Variants in IQSEC1 observed in about 807,000 individuals in gnomAD.
IQSEC1 encodes IQ motif and SEC7 domain-containing protein 1.
Under a neutral mutation model 91.0 loss-of-function variants are expected in IQSEC1, and 31 were observed. The ratio of observed to expected loss-of-function variants is 0.34; its 90% CI spans 0.26 to 0.46. IQSEC1 has a LOEUF of 0.46. Ranked by LOEUF, IQSEC1 falls within the 20% of genes least tolerant of loss-of-function variation. The probability of loss-of-function intolerance (pLI) is 1.00; values close to 1 mark genes in which losing one functional copy is unlikely to be tolerated. For synonymous variants in IQSEC1, 699 were observed against 662.6 expected (o/e 1.05, Z -0.84); for missense variants, 1,388 against 1,575.6 (o/e 0.88, Z 2.02).
chr3:13,176,020 C>T (rs966838596), intron 1 of IQSEC1, among the ~76,000 whole-genome samples: 7 of 152,192 alleles, frequency 4.6e-5, no homozygotes, highest in Non-Finnish European at 7.3e-5. Flanking sequence ...TGACAATGGG[C>T]GATTTCTGTG....
intron 1 of IQSEC1, among the ~76,000 whole-genome samples, chr3:13,026,166 C>T (rs766910813): frequency 2.0e-5 from 3 of 152,202 alleles, no homozygotes; most frequent in Non-Finnish European, 4.4e-5. Context: ...GCTTCCTGTG[C>T]CCCTCGGCAG....
At chr3:13,101,159 A>G (rs979738053) in intron 2 of IQSEC1, among the ~76,000 whole-genome samples, 9 of 152,202 alleles carry the variant, frequency 5.9e-5, no homozygotes, top group African/African-American at 1.4e-4. Context: ...CAAGCCTGAC[A>G]GTGACACGAT....
chr3:13,162,816 G>A (rs1707202284), intron 2 of IQSEC1, among the ~76,000 whole-genome samples: 1 of 152,110 alleles, frequency 6.6e-6, no homozygotes. Flanking sequence ...ATGTGGCGGT[G>A]CACACCTCAG....
In IQSEC1 at chr3:13,165,537, CGTGT is replaced by C. The variant is rs57239903; in HGVS notation, c.273-1408_273-1405del. ...GGGGGGGTGGGGGGTGGGGGGGTGGCGTGTGTGTGTGTGTGTGTGTGTGTGTGTG... is the reference window on the plus strand; with the variant it reads ...GGGGGGGTGGGGGGTGGGGGGGTGGCGTGTGTGTGTGTGTGTGTGTGTGTG... On this transcript the variant is annotated intron_variant, in intron 1 of 15. Coordinates refer to the IQSEC1 transcript ENST00000648114. Among the ~76,000 whole-genome samples, 111 of 66,682 alleles carry C rather than the reference CGTGT, an allele frequency of 1.7e-3. 1 individual carries two copies. The highest frequency in any genetic ancestry group is 1.8e-3 in the Non-Finnish European group (61 of 34,580). 43.7% of individuals were successfully genotyped at this position (66,682 alleles called of 152,430 possible).
chr3:13,180,107 T>C (rs934559325), intron 1 of IQSEC1, among the ~76,000 whole-genome samples: 8 of 31,470 alleles, frequency 2.5e-4, no homozygotes, highest in African/African-American at 7.5e-4. Flanking sequence ...TGCAGGTGCA[T>C]GGTGCGGGAC....
At chr3:13,037,664 T>G (rs939545810) in intron 1 of IQSEC1, among the ~76,000 whole-genome samples, 3 of 152,202 alleles carry the variant, frequency 2.0e-5, no homozygotes, top group Non-Finnish European at 4.4e-5. Context: ...ATACTTATAG[T>G]GGAGTATGAT....
At chr3:13,189,577 C>G (rs1693986421) in intron 1 of IQSEC1, among the ~76,000 whole-genome samples, 1 of 152,234 alleles carries the variant, frequency 6.6e-6, no homozygotes, top group South Asian at 2.1e-4. Flanking sequence ...CCCCTGCACC[C>G]ACTACAAGTG....
At chr3:13,261,814 G>C (rs1695394039) in intron 1 of IQSEC1, among the ~76,000 whole-genome samples, 2 of 152,168 alleles carry the variant, frequency 1.3e-5, no homozygotes, top group African/African-American at 4.8e-5. Context: ...GGCACTCAAT[G>C]CTACAAGCCT....
At chr3:12,952,716 C>T (rs926201499) in intron 1 of IQSEC1, among the ~76,000 whole-genome samples, 1 of 152,226 alleles carries the variant, frequency 6.6e-6, no homozygotes, top group Non-Finnish European at 1.5e-5. Flanking sequence ...CACGCTCTCA[C>T]CCCAAGACCT....
chr3:13,190,051 A>G (rs2349557), intron 1 of IQSEC1, among the ~76,000 whole-genome samples: 48,677 of 152,136 alleles, frequency 0.32, 8,497 homozygotes, highest in African/African-American at 0.47. Context: ...TACCTGCCAC[A>G]GCTGCCTAAA....
chr3:13,066,785 C>T (rs766172410), intron 1 of IQSEC1, among the ~76,000 whole-genome samples: 1 of 152,188 alleles, frequency 6.6e-6, no homozygotes, highest in Non-Finnish European at 1.5e-5. Flanking sequence ...CTTCTCTGGG[C>T]GGTAGCTCCA....
intron 1 of IQSEC1, among the ~76,000 whole-genome samples, chr3:13,057,676 A>C (rs1704925482): frequency 6.6e-6 from 1 of 152,178 alleles, no homozygotes; most frequent in Non-Finnish European, 1.5e-5. Flanking sequence ...GGGGCCCCAG[A>C]CATCCCGCCT....
intron 1 of IQSEC1, among the ~76,000 whole-genome samples, chr3:13,053,894 C>G (rs1251776714): frequency 6.6e-6 from 1 of 152,258 alleles, no homozygotes; most frequent in Non-Finnish European, 1.5e-5. Context: ...AAATTATCCA[C>G]CATTCCAACT....
intron 2 of IQSEC1, among the ~76,000 whole-genome samples, chr3:13,133,030 C>T (rs1401172624): frequency 3.3e-5 from 5 of 152,220 alleles, no homozygotes; most frequent in Non-Finnish European, 2.9e-5. Flanking sequence ...ACATCAACAT[C>T]GACATGGCCT....
chr3:12,905,866 G>T (rs1694919583), intron 12 of IQSEC1, among the ~76,000 whole-genome samples: 1 of 152,196 alleles, frequency 6.6e-6, no homozygotes, highest in African/African-American at 2.4e-5. Context: ...TCACCACTTG[G>T]CTGAACCCTG....
intron 1 of IQSEC1, among the ~76,000 whole-genome samples, chr3:13,219,466 C>T (rs73134150): frequency 0.024 from 3,654 of 152,332 alleles, 86 homozygotes; most frequent in African/African-American, 0.066. Context: ...TTGGGATGGC[C>T]ACCATCAAGG....
rs776758983 is a variant in IQSEC1 at position 12,913,616 on chromosome 3, G to A, written c.2191-63C>T. On this transcript the variant is annotated intron_variant, in intron 8 of 13. Coordinates refer to ENST00000613206, the MANE Select transcript of IQSEC1 (RefSeq NM_001134382.3). ...CTCTCCTCTAGGAGCCCTGGGGGCC[G>A]CAGTGGAGAAGTCTAGCCCTTCAAG... is the stretch of plus-strand genomic sequence containing the variant. The A allele has an allele frequency of 3.9e-4, 598 of 1,536,866 alleles. 3 individuals carry two copies. The highest frequency in any genetic ancestry group is 9.1e-5 in the Admixed American group (5 of 54,774).
intron 2 of IQSEC1, among the ~76,000 whole-genome samples, chr3:13,157,677 G>A (rs1160460932): frequency 6.6e-6 from 1 of 152,124 alleles, no homozygotes; most frequent in Non-Finnish European, 1.5e-5. Context: ...CAGCCAAAAG[G>A]GCACACTCTA....
intron 9 of IQSEC1, among the ~76,000 whole-genome samples, chr3:12,913,085 G>A (rs1330289601): frequency 6.6e-6 from 1 of 152,282 alleles, no homozygotes; most frequent in Non-Finnish European, 1.5e-5. Context: ...CAGGTCTGGA[G>A]CTGCTGGGGC....
Sources: allele counts gnomAD v4.1 joint callset (sites outside exome capture counted in the v4.1 genomes callset), GRCh38; gene constraint gnomAD v4.1.1; transcripts MANE v1.5; gene names NCBI Gene and HGNC (gene_info 2026-07-23, HGNC 2026-07-21).